The following AK5 variants were observed in gnomAD, a reference collection of about 807,000 sequenced individuals.
AK5 encodes the protein adenylate kinase isoenzyme 5.
AK5 carries 27 observed loss-of-function variants against 69.5 expected under a neutral mutation model. The ratio of observed to expected loss-of-function variants is 0.39; its 90% confidence interval spans 0.29 to 0.54. The LOEUF (loss-of-function observed/expected upper bound fraction) is 0.54, where lower values mean the gene tolerates loss of function less well. Ranked by LOEUF, AK5 falls within the 20% of genes least tolerant of loss-of-function variation. The pLI is 0.71. For synonymous variants in AK5, 260 were observed against 244.4 expected (o/e 1.06, Z -0.60); for missense variants, 531 against 700.4 (o/e 0.76, Z 2.73).
chr1:77,287,795 A>C (rs1658446524), intron 2 of AK5, among the ~76,000 whole-genome samples: 1 of 152,222 alleles, frequency 6.6e-6, no homozygotes, highest in Admixed American at 6.5e-5. Flanking sequence ...TGGATTGGTT[A>C]CGGTTCAGCA....
chr1:77,447,066 A>G (rs1020546393), intron 8 of AK5, among the ~76,000 whole-genome samples: 42 of 152,240 alleles, frequency 2.8e-4, no homozygotes, highest in African/African-American at 9.9e-4. Context: ...TTGAAGAGGA[A>G]CAGAGGTCAA....
chr1:77,301,708 T>C (rs1215283745), intron 5 of AK5, among the ~76,000 whole-genome samples: 1 of 152,208 alleles, frequency 6.6e-6, no homozygotes, highest in East Asian at 1.9e-4. Context: ...CTGAACTTCA[T>C]GTTATCTTCC....
At chr1:77,294,337 G>A (rs1001252924) in intron 3 of AK5, among the ~76,000 whole-genome samples, 1 of 152,080 alleles carries the variant, frequency 6.6e-6, no homozygotes, top group Non-Finnish European at 1.5e-5. Context: ...CCAGCTAGTA[G>A]GCAGGCTGAG....
chr1:77,437,203 G>A (rs1652007393), intron 8 of AK5, among the ~76,000 whole-genome samples: 1 of 152,044 alleles, frequency 6.6e-6, no homozygotes, highest in Admixed American at 6.6e-5. Flanking sequence ...TAAAAACTTT[G>A]AGGTGGCTAT....
chr1:77,494,487 G>T (rs1197647040), intron 10 of AK5, among the ~76,000 whole-genome samples: 1 of 152,114 alleles, frequency 6.6e-6, no homozygotes, highest in African/African-American at 2.4e-5. Flanking sequence ...TCCAAGTTCT[G>T]TGTACCCTTG....
chr1:77,551,499 A>G (rs1447374418), intron 13 of AK5, among the ~76,000 whole-genome samples: 1 of 152,208 alleles, frequency 6.6e-6, no homozygotes, highest in Admixed American at 6.5e-5. Flanking sequence ...AATTTCATTA[A>G]TAAACCCCCA....
At chr1:77,411,769 C>T (rs994633670) in intron 7 of AK5, among the ~76,000 whole-genome samples, 2 of 151,928 alleles carry the variant, frequency 1.3e-5, no homozygotes, top group African/African-American at 4.8e-5. Flanking sequence ...AAGCTTGGGG[C>T]CACAAAGAAA....
chr1:77,388,796 C>T (rs1442598189), intron 6 of AK5, among the ~76,000 whole-genome samples: 4 of 150,916 alleles, frequency 2.7e-5, no homozygotes, highest in African/African-American at 9.7e-5. Flanking sequence ...CTCCACTTGG[C>T]CAAAAGGAGA....
At chr1:77,368,821 A>T (rs1647067012) in intron 6 of AK5, among the ~76,000 whole-genome samples, 1 of 152,118 alleles carries the variant, frequency 6.6e-6, no homozygotes, top group Non-Finnish European at 1.5e-5. Context: ...CAGATTAGGG[A>T]TGTTCAACCG....
Position 77,297,738 on chromosome 1 carries a change from T to C in AK5, c.585+10T>C. On this transcript the variant is annotated intron_variant, in intron 4 of 13. Coordinates refer to ENST00000354567, the MANE Select transcript of AK5 (RefSeq NM_174858.3). Reference sequence around the variant, plus strand: ...AGAATTGGCCCCACAGGTACTGCTGTATAATTATCTTTTATTCTGCAAAAT... The same window carrying C: ...AGAATTGGCCCCACAGGTACTGCTGCATAATTATCTTTTATTCTGCAAAAT... 6.2e-7 allele frequency: 1 copy of C among 1,608,050 alleles called. No homozygotes were observed. Among genetic ancestry groups the C allele is most frequent in the African/African-American group, 1.3e-5 (1 of 74,536 alleles).
chr1:77,356,961 G>A (rs924124960), intron 6 of AK5, among the ~76,000 whole-genome samples: 2 of 152,150 alleles, frequency 1.3e-5, no homozygotes, highest in Non-Finnish European at 2.9e-5. Context: ...AAGCCCTTCA[G>A]AAGCTATTTG....
chr1:77,420,672 A>G (rs1052419908), intron 8 of AK5, among the ~76,000 whole-genome samples: 2 of 152,356 alleles, frequency 1.3e-5, no homozygotes, highest in African/African-American at 2.4e-5. Context: ...TCAGAAATCA[A>G]ACTTTGATTT....
Position 77,374,963 on chromosome 1 carries a change from G to A in AK5, c.891+34395G>A, listed in dbSNP as rs115754003. Among the ~76,000 whole-genome samples the A allele has an allele frequency of 1.8e-3, 274 of 151,976 alleles. 1 individual carries two copies. The highest frequency in any genetic ancestry group is 6.2e-3 in the African/African-American group (256 of 41,426). On this transcript the variant is annotated intron_variant, in intron 6 of 13. Transcript: ENST00000354567. ...AAATTAATTATTTTCCTTTTGACAC[G>A]GGCCTATGTACCCTCAGTAACAAGG... is the stretch of plus-strand genomic sequence containing the variant.
intron 10 of AK5, among the ~76,000 whole-genome samples, chr1:77,503,667 C>T (rs915933604): frequency 2.0e-4 from 30 of 152,008 alleles, no homozygotes; most frequent in African/African-American, 6.5e-4. Context: ...TTTGGGAGGC[C>T]GAGGCAGACG....
chr1:77,297,947 A>G lies in AK5; in HGVS notation c.699A>G (p.Gln233=), dbSNP rs771224866. 1.0e-5 allele frequency: 16 copies of G among 1,594,706 alleles called. No individual in the cohort carries two copies. The highest frequency in any genetic ancestry group is 1.7e-5 in the Admixed American group (1 of 57,722). Residue 233 remains glutamine (Q), a splice_region_variant and synonymous_variant, in exon 5 of 14, where the codon CAA becomes CAG. Coordinates refer to ENST00000354567, the MANE Select transcript of AK5 (RefSeq NM_174858.3). ...CCCAGGCTCTATCTTTTGAGGACCA[A>G]GTAAGAATATCTCCTTATATTTTAA... The part of the protein sequence containing the change: ...DVAQALSFED[Q]ICTPDLVVFL...
rs573383156 is a variant in AK5, at chr1:77,282,319, C to T, written c.6C>T (p.Asn2=). The part of the protein sequence containing the change: M[N]TNDAKEYLAR... The stretch of plus-strand genomic sequence containing the variant: ...AAGGCACGCGCGGCACAGCCATGAA[C>T]ACCAACGATGCCAAGGAGTATCTGG... Residue 2 remains asparagine, a synonymous_variant, in exon 1 of 14, where the codon AAC becomes AAT. Coordinates refer to ENST00000354567, the MANE Select transcript of AK5 (RefSeq NM_174858.3). 63 of 1,561,126 alleles carry T rather than the reference C, an allele frequency of 4.0e-5. No homozygotes were observed. The South Asian group carries it at 6.9e-4, about 17-fold the overall frequency.
intron 5 of AK5, among the ~76,000 whole-genome samples, chr1:77,326,704 C>T (rs746242984): frequency 1.5e-4 from 23 of 152,096 alleles, no homozygotes; most frequent in Admixed American, 2.0e-4. Context: ...GTCTAAATCA[C>T]TTTTCTAATA....
At chr1:77,359,082 C>T (rs1275347614) in intron 6 of AK5, among the ~76,000 whole-genome samples, 4 of 151,808 alleles carry the variant, frequency 2.6e-5, no homozygotes, top group Non-Finnish European at 5.9e-5. Flanking sequence ...GGTGAAACCC[C>T]GTCTCTATTA....
At chr1:77,368,245 A>ATATATATATATATATTTTATATATAT (rs376578923) in intron 6 of AK5, among the ~76,000 whole-genome samples, 13 of 67,898 alleles carry the variant, frequency 1.9e-4, no homozygotes, top group South Asian at 1.1e-3. Context: ...ATATATATAT[A>ATATATATATATATATTTTATATATAT]TATATATAAT....
Sources: allele counts gnomAD v4.1 joint callset (sites outside exome capture counted in the v4.1 genomes callset), GRCh38; gene constraint gnomAD v4.1.1; transcripts MANE v1.5; gene names NCBI Gene and HGNC (gene_info 2026-07-23, HGNC 2026-07-21).